The following ARID1B variants were observed in gnomAD, a reference collection of about 807,000 sequenced individuals.
ARID1B encodes AT-rich interaction domain 1B, also known as AT-rich interactive domain-containing protein 1B.
ARID1B carries 30 observed loss-of-function variants against 212.3 expected under a neutral mutation model. The observed-to-expected ratio is 0.14, with a 90% CI of 0.11 to 0.19. The LOEUF (loss-of-function observed/expected upper bound fraction) is 0.19. Among genes scored for constraint, ARID1B ranks in the 10% least tolerant of loss-of-function variants. ARID1B has a pLI of 1.00. For synonymous variants in ARID1B, 1,402 were observed against 1,301.7 expected (o/e 1.08, Z -1.66); for missense variants, 2,891 against 3,204.0 (o/e 0.90, Z 2.36).
rs1386473096 is a variant in ARID1B, at chr6:157,201,979, C to T, written c.5263+491C>T. On this transcript the variant is annotated intron_variant, in intron 18 of 19. Coordinates refer to ENST00000636930, the MANE Select transcript of ARID1B (RefSeq NM_001374828.1). This position sits in a 1 kb window ranked among gnomAD's most constrained non-coding sequence, Gnocchi z 5.2. ...GAGGCTAATGAAATGCTAAAGGTGA[C>T]CTGAGAAAATCTGAAGGCAAGCCAC... Among the ~76,000 whole-genome samples, 3 of 152,120 alleles carry T rather than the reference C, an allele frequency of 2.0e-5. No homozygotes were observed. The highest frequency in any genetic ancestry group is 7.2e-5 in the African/African-American group (3 of 41,404).
intron 3 of ARID1B, among the ~76,000 whole-genome samples, chr6:156,919,571 G>A (rs184898534): frequency 4.6e-4 from 70 of 152,332 alleles, no homozygotes; most frequent in African/African-American, 1.3e-3. Context: ...ACACTGTTGG[G>A]CAGCTGCTTA....
intron 1 of ARID1B, among the ~76,000 whole-genome samples, chr6:156,818,699 C>T (rs1249291758): frequency 1.3e-5 from 2 of 152,260 alleles, no homozygotes; most frequent in East Asian, 3.9e-4. Flanking sequence ...AGGCTCTTTC[C>T]ATTTTACTGG....
In ARID1B at chr6:157,190,463, G is replaced by A. The variant is rs1259165886; in HGVS notation, c.4231+253G>A. Among the ~76,000 whole-genome samples, 1 of 152,184 alleles carries A rather than the reference G, an allele frequency of 6.6e-6. No homozygotes were observed. Among genetic ancestry groups the A allele is most frequent in the East Asian group, 1.9e-4 (1 of 5,200 alleles). On this transcript the variant is annotated intron_variant, in intron 15 of 19. Coordinates refer to ENST00000636930, the MANE Select transcript of ARID1B (RefSeq NM_001374828.1). The surrounding 1 kb of genome is among the most constrained non-coding windows in gnomAD (Gnocchi z 4.6). ...ACATGCTCCCTGTTTCCGGATACCT[G>A]CCACCTCCTTACACGTGCCAAGTTA...
chr6:156,916,619 C>T (rs181655515), intron 3 of ARID1B, among the ~76,000 whole-genome samples: 5 of 152,140 alleles, frequency 3.3e-5, no homozygotes, highest in East Asian at 3.9e-4. Flanking sequence ...TTTGCTCTAA[C>T]GTTTCTGCTT....
chr6:156,982,705 T>G (rs1413587247), intron 4 of ARID1B, among the ~76,000 whole-genome samples: 1 of 152,178 alleles, frequency 6.6e-6, no homozygotes, highest in Non-Finnish European at 1.5e-5. Flanking sequence ...TTATATTTTT[T>G]AATTCAAAGT....
At chr6:157,136,197 C>A (rs1488749467) in intron 7 of ARID1B, among the ~76,000 whole-genome samples, 1 of 152,170 alleles carries the variant, frequency 6.6e-6, no homozygotes, top group Non-Finnish European at 1.5e-5. Context: ...AATAGTTTTG[C>A]CTGGATGCAC....
intron 4 of ARID1B, among the ~76,000 whole-genome samples, chr6:157,070,925 C>T (rs1252098581): frequency 6.6e-6 from 1 of 152,134 alleles, no homozygotes; most frequent in African/African-American, 2.4e-5. Flanking sequence ...TCCTTTCTAA[C>T]CATAACAATA....
At chr6:156,797,054 C>G (rs1780430962) in intron 1 of ARID1B, among the ~76,000 whole-genome samples, 1 of 152,216 alleles carries the variant, frequency 6.6e-6, no homozygotes, top group South Asian at 2.1e-4. Context: ...TGATTGCCAG[C>G]AGCTGCCAGA....
At chr6:156,801,028 A>G (rs1288022280) in intron 1 of ARID1B, among the ~76,000 whole-genome samples, 1 of 152,146 alleles carries the variant, frequency 6.6e-6, no homozygotes. Flanking sequence ...GAACATTCTC[A>G]TCACTGTAGA....
intron 8 of ARID1B, chr6:157,151,955 T>TA (rs1790229888): frequency 6.6e-6 from 1 of 152,236 alleles, no homozygotes; most frequent in Non-Finnish European, 1.5e-5. Flanking sequence ...TGGCCCTAAA[T>TA]GTGGACCAAC....
intron 6 of ARID1B, among the ~76,000 whole-genome samples, chr6:157,123,247 C>CACACACA (rs1554299919): frequency 1.8e-5 from 2 of 111,766 alleles, no homozygotes; most frequent in East Asian, 3.4e-4. Context: ...CGCCCCCCCC[C>CACACACA]CACACACACA....
At chr6:157,086,053 G>A (rs1194835637) in intron 5 of ARID1B, among the ~76,000 whole-genome samples, 1 of 151,864 alleles carries the variant, frequency 6.6e-6, no homozygotes, top group East Asian at 1.9e-4. Context: ...ATTATATTTG[G>A]AATGACTATA....
chr6:156,888,713 T>G (rs1427728811), intron 2 of ARID1B, among the ~76,000 whole-genome samples: 1 of 152,186 alleles, frequency 6.6e-6, no homozygotes, highest in Non-Finnish European at 1.5e-5. Context: ...CAGGCCTTTT[T>G]ATTTTCTAGG....
At chr6:156,987,491 C>T (rs1040444228) in intron 4 of ARID1B, among the ~76,000 whole-genome samples, 8 of 152,212 alleles carry the variant, frequency 5.3e-5, no homozygotes, top group South Asian at 4.1e-4. Context: ...CTACTGCACC[C>T]GGCTAATTTT....
rs182030555 is a variant in ARID1B at position 156,879,392 on chromosome 6, C to T, written c.1987-21984C>T. 2.9e-3 allele frequency among the ~76,000 whole-genome samples: 444 copies of T among 152,328 alleles called. 3 individuals carry two copies. Among genetic ancestry groups the T allele is most frequent in the African/African-American group, 0.01 (418 of 41,572 alleles). The stretch of plus-strand genomic sequence containing the variant: ...GGAAAACTGTATCTGTTCATTAGAC[C>T]AGTGGAATTTACAATCACTTTTGTG... On this transcript the variant is annotated intron_variant, in intron 2 of 19. Coordinates refer to ENST00000636930, the MANE Select transcript of ARID1B (RefSeq NM_001374828.1).
In ARID1B at chr6:156,778,871, C is replaced by CGGAGGA. The variant is rs587779748; in HGVS notation, c.1200_1205dup (p.Gly401_Gly402dup). On this transcript the variant is annotated inframe_insertion, in exon 1 of 20. Coordinates refer to ENST00000636930, the MANE Select transcript of ARID1B (RefSeq NM_001374828.1). ...CGGGCGGCGGCGGCGGCGGCGGCGG[C>CGGAGGA]GGAGGAGGAGGAGGCAGCGGAGGAG... 3.0e-6 allele frequency: 4 copies of CGGAGGA among 1,340,110 alleles called. No homozygotes were observed. The highest frequency in any genetic ancestry group is 2.1e-4 in the Middle Eastern group (1 of 4,844). The allele number at this position is 1,340,110 out of a possible 1,614,324, so 83.0% of individuals were successfully genotyped here.
In ARID1B at chr6:156,955,528, C is replaced by T. The variant is rs899196202; in HGVS notation, c.2247+19952C>T. Among the ~76,000 whole-genome samples, 1 of 152,180 alleles carries T rather than the reference C, an allele frequency of 6.6e-6. No homozygotes were observed. The highest frequency in any genetic ancestry group is 2.4e-5 in the African/African-American group (1 of 41,448). Reference sequence around the variant, plus strand: ...CAATGATGTAACACATATAAAGGCTCTGTAATAATTGAAAGTTATACATAA... The same window carrying T: ...CAATGATGTAACACATATAAAGGCTTTGTAATAATTGAAAGTTATACATAA... On this transcript the variant is annotated intron_variant, in intron 4 of 19. Transcript: ENST00000636930. The surrounding 1 kb of genome is among the most constrained non-coding windows in gnomAD (Gnocchi z 4.2).
intron 4 of ARID1B, among the ~76,000 whole-genome samples, chr6:156,993,285 A>G (rs1583099483): frequency 6.6e-6 from 1 of 152,156 alleles, no homozygotes; most frequent in Non-Finnish European, 1.5e-5. Context: ...CAGGTGATCC[A>G]CCAGCCTCAG....
intron 2 of ARID1B, among the ~76,000 whole-genome samples, chr6:156,884,762 A>C (rs12196947): frequency 0.16 from 23,869 of 152,206 alleles, 2,061 homozygotes; most frequent in Non-Finnish European, 0.19. Flanking sequence ...AGTGTTGCTA[A>C]TTCTTTTTTC....
Sources: allele counts gnomAD v4.1 joint callset (sites outside exome capture counted in the v4.1 genomes callset), GRCh38; gene constraint gnomAD v4.1.1; non-coding constraint Gnocchi (gnomAD v3.1); transcripts MANE v1.5; gene names NCBI Gene and HGNC (gene_info 2026-07-23, HGNC 2026-07-21).